The following ABR variants were observed in gnomAD, a reference collection of about 807,000 sequenced individuals.
The protein encoded by ABR is active breakpoint cluster region-related protein.
Under a neutral mutation model 107.2 loss-of-function variants are expected in ABR, and 35 were observed. The ratio of observed to expected loss-of-function variants is 0.33; its 90% CI spans 0.25 to 0.43. ABR has a LOEUF of 0.43. Among genes scored for constraint, ABR ranks in the 20% least tolerant of loss-of-function variants. ABR has a pLI of 1.00. For synonymous variants in ABR, 498 were observed against 462.0 expected (o/e 1.08, Z -1.00); for missense variants, 815 against 1,115.2 (o/e 0.73, Z 3.83).
intron 16 of ABR, chr17:1,031,925 CCGCATCCCTCCTT>C: frequency 9.7e-7 from 1 of 1,028,642 alleles, no homozygotes; most frequent in Non-Finnish European, 1.2e-6. Context: ...CCTCCCTCCT[CCGCATCCCTCCTT>C]CCCCGCCCTC....
At chr17:1,056,591 A>AC (rs2033304131) in intron 13 of ABR, among the ~76,000 whole-genome samples, 1 of 148,176 alleles carries the variant, frequency 6.7e-6, no homozygotes, top group African/African-American at 2.5e-5. Context: ...ACTGCTCAAA[A>AC]CCCCCCCAGA....
rs2033628943 is a variant in ABR at position 1,058,841 on chromosome 17, G to A, written c.1209C>T (p.Ala403=). ...ACATCTTCTTCTTCAGGCGCTCGAT[G>A]GCCCGGCTCTGGCCTTTGTTGGCTT... The part of the protein sequence containing the change: ...KEKANKGQSR[A]IERLKKKMFE... The change falls in exon 11 of 23, where the codon GCC becomes GCT. Residue 403 remains alanine (A), a synonymous_variant. Transcript: ENST00000302538. The A allele has an allele frequency of 1.2e-6, 2 of 1,614,022 alleles. No individual in the cohort carries two copies. Among genetic ancestry groups the A allele is most frequent in the Non-Finnish European group, 1.7e-6 (2 of 1,180,050 alleles).
intron 2 of ABR, among the ~76,000 whole-genome samples, chr17:1,109,539 C>A (rs988169416): frequency 6.6e-6 from 1 of 151,962 alleles, no homozygotes; most frequent in South Asian, 2.1e-4. Flanking sequence ...GAGGCCGCGG[C>A]CGGGCCGGGG....
intron 3 of ABR, among the ~76,000 whole-genome samples, chr17:1,093,896 G>A (rs766378959): frequency 1.3e-5 from 2 of 152,148 alleles, no homozygotes; most frequent in South Asian, 4.1e-4. Context: ...TTCATCCTCC[G>A]AGCTCTAAAA....
At position 1,070,795 on chromosome 17, in the gene ABR, G is replaced by A. The variant is rs1438327181; in HGVS notation, c.895-705C>T. Among the ~76,000 whole-genome samples the A allele has an allele frequency of 1.3e-5, 2 of 152,208 alleles. No individual in the cohort carries two copies. Among genetic ancestry groups the A allele is most frequent in the East Asian group, 3.8e-4 (2 of 5,198 alleles). Reference sequence around the variant, plus strand: ...CGGGGGGTCGTCCCCATCTGTGCCAGCCTTTCCTGTATGATACACGGTGTG... The same window carrying A: ...CGGGGGGTCGTCCCCATCTGTGCCAACCTTTCCTGTATGATACACGGTGTG... On this transcript the variant is annotated intron_variant, in intron 8 of 22. Transcript: ENST00000302538. This position sits in a 1 kb window ranked among gnomAD's most constrained non-coding sequence, Gnocchi z 4.2.
chr17:1,205,754 C>G (rs2042776246), intron 1 of ABR, among the ~76,000 whole-genome samples: 1 of 152,208 alleles, frequency 6.6e-6, no homozygotes, highest in Admixed American at 6.5e-5. Flanking sequence ...ACCATCCTGG[C>G]CAACATGGTG....
At chr17:1,199,709 G>T (rs1000466668) in intron 1 of ABR, among the ~76,000 whole-genome samples, 3 of 152,064 alleles carry the variant, frequency 2.0e-5, no homozygotes, top group African/African-American at 7.2e-5. Flanking sequence ...CACCTCAGCT[G>T]CCCAAAGTGG....
chr17:1,215,752 AAAG>A (rs2042989623), intron 1 of ABR, among the ~76,000 whole-genome samples: 1 of 152,112 alleles, frequency 6.6e-6, no homozygotes, highest in Admixed American at 6.6e-5. Flanking sequence ...AATGTGGGGA[AAAG>A]AAGGAGAAAT....
intron 16 of ABR, among the ~76,000 whole-genome samples, chr17:1,036,467 G>C (rs531665403): frequency 6.6e-6 from 1 of 151,390 alleles, no homozygotes; most frequent in Non-Finnish European, 1.5e-5. Flanking sequence ...AGGTGCTGGA[G>C]GAGAGCAGGG....
chr17:1,040,156 G>A (rs1248860455), intron 16 of ABR, among the ~76,000 whole-genome samples: 8 of 152,170 alleles, frequency 5.3e-5, no homozygotes, highest in Non-Finnish European at 8.8e-5. Flanking sequence ...AGAGGGGGCC[G>A]GAGCTGGAAG....
chr17:1,011,722 G>T lies in ABR; in HGVS notation c.2101+124C>A, dbSNP rs1353180791. The T allele has an allele frequency of 1.6e-6, 2 of 1,239,848 alleles. No homozygotes were observed. The highest frequency in any genetic ancestry group is 1.5e-5 in the African/African-American group (1 of 66,860). The allele number at this position is 1,239,848 out of a possible 1,614,324, so 76.8% of individuals were successfully genotyped here. ...TTACAAGAGAAAGCACTTGCCACGGGGACTCTGAAGCAGAGCAAGCCTCCT... is the reference window on the plus strand; with the variant it reads ...TTACAAGAGAAAGCACTTGCCACGGTGACTCTGAAGCAGAGCAAGCCTCCT... On this transcript the variant is annotated intron_variant, in intron 19 of 22. Coordinates refer to ENST00000302538, the MANE Select transcript of ABR (RefSeq NM_021962.5). This position sits in a 1 kb window ranked among gnomAD's most constrained non-coding sequence, Gnocchi z 4.8.
At chr17:1,054,115 G>A (rs2440758) in intron 14 of ABR, among the ~76,000 whole-genome samples, 15,702 of 152,216 alleles carry the variant, frequency 0.1, 915 homozygotes, top group South Asian at 0.2. Context: ...GAGCCCCTCC[G>A]AGCCTCGGCG....
At chr17:1,159,441 GCGGT>G (rs2041184291) in intron 1 of ABR, among the ~76,000 whole-genome samples, 1 of 82,446 alleles carries the variant, frequency 1.2e-5, no homozygotes, top group Non-Finnish European at 2.5e-5. Context: ...AGGTAAGAAT[GCGGT>G]ACTCACACAC....
At chr17:1,111,816 T>G (rs1162124164) in intron 2 of ABR, among the ~76,000 whole-genome samples, 2 of 152,216 alleles carry the variant, frequency 1.3e-5, no homozygotes, top group African/African-American at 2.4e-5. Flanking sequence ...CGCTGCCAGC[T>G]GCAGCCCTGG....
intron 16 of ABR, among the ~76,000 whole-genome samples, chr17:1,038,369 C>T (rs185318041): frequency 2.0e-5 from 3 of 152,336 alleles, no homozygotes; most frequent in African/African-American, 4.8e-5. Context: ...CAGCTCCAGT[C>T]GTGTCTCTGC....
At chr17:1,101,834 C>T (rs868860411) in intron 2 of ABR, among the ~76,000 whole-genome samples, 12 of 151,654 alleles carry the variant, frequency 7.9e-5, no homozygotes, top group African/African-American at 9.7e-5. Context: ...CCCGGGTTCA[C>T]GCCATTCTCC....
At chr17:1,095,080 T>C (rs2037316481) in intron 3 of ABR, among the ~76,000 whole-genome samples, 1 of 152,096 alleles carries the variant, frequency 6.6e-6, no homozygotes, top group Non-Finnish European at 1.5e-5. Flanking sequence ...AGAATCCCCA[T>C]ACCCAAGAAT....
rs369611816 is a variant in ABR at position 1,195,126 on chromosome 17, T to C, written c.838+33667A>G. ...ATCGAGACCATCCTGGCTAACACGG[T>C]GAAACCCCGTCTCTACTAAAAATAC... On this transcript the variant is annotated intron_variant, in intron 1 of 22. Coordinates refer to the ABR transcript ENST00000574139. Among the ~76,000 whole-genome samples, 893 of 141,656 alleles carry C rather than the reference T, an allele frequency of 6.3e-3. 10 individuals carry two copies. The highest frequency in any genetic ancestry group is 0.022 in the African/African-American group (845 of 39,200). 92.9% of individuals were successfully genotyped at this position (141,656 alleles called of 152,430 possible).
At chr17:1,149,105 G>A (rs942153735) in intron 1 of ABR, among the ~76,000 whole-genome samples, 14 of 152,030 alleles carry the variant, frequency 9.2e-5, no homozygotes, top group Admixed American at 6.5e-4. Context: ...GGGTTTCACC[G>A]TGTTAGCCGG....
Sources: gnomAD v4.1 joint callset for allele counts (sites outside exome capture counted in the v4.1 genomes callset) on GRCh38, gnomAD v4.1.1 for gene constraint, Gnocchi (gnomAD v3.1) non-coding constraint, MANE v1.5 for transcripts, NCBI Gene and HGNC (gene_info 2026-07-23, HGNC 2026-07-21) for gene names.